FAM180A: variants seen among roughly 807,000 people sequenced by gnomAD.
FAM180A encodes family with sequence similarity 180 member A.
FAM180A carries 14 observed loss-of-function variants against 15.3 expected under a neutral mutation model. The observed-to-expected ratio is 0.92, with a 90% CI of 0.61 to 1.43. The LOEUF is 1.43. Among genes scored for constraint, FAM180A ranks in the 40% most tolerant of loss-of-function variants. The probability of loss-of-function intolerance (pLI) is 0.00; values close to 1 mark genes in which losing one functional copy is unlikely to be tolerated. For synonymous variants in FAM180A, 90 were observed against 96.8 expected (o/e 0.93, Z 0.41); for missense variants, 200 against 220.8 (o/e 0.91, Z 0.60).
chr7:135,736,727 G>A (rs974017078), intron 2 of FAM180A, among the ~76,000 whole-genome samples: 2 of 152,206 alleles, frequency 1.3e-5, no homozygotes, highest in African/African-American at 2.4e-5. Flanking sequence ...TTGGAGACAC[G>A]GCTGCACCCA....
chr7:135,742,755 T>C (rs1359519199), intron 1 of FAM180A, among the ~76,000 whole-genome samples: 1 of 152,262 alleles, frequency 6.6e-6, no homozygotes, highest in East Asian at 1.9e-4. Flanking sequence ...GGAGCTCAGA[T>C]ATAATAATGT....
chr7:135,736,624 G>A (rs1796876545), intron 2 of FAM180A, among the ~76,000 whole-genome samples: 1 of 152,210 alleles, frequency 6.6e-6, no homozygotes, highest in African/African-American at 2.4e-5. Flanking sequence ...GAGAGGTAGT[G>A]AAAGACAGCC....
intron 1 of FAM180A, among the ~76,000 whole-genome samples, chr7:135,740,319 A>T (rs536425291): frequency 6.6e-6 from 1 of 152,320 alleles, no homozygotes; most frequent in South Asian, 2.1e-4. Context: ...AAGTGCTTCT[A>T]ATGACAGCCG....
chr7:135,739,649 T>C (rs1373144334), intron 1 of FAM180A, among the ~76,000 whole-genome samples: 5 of 134,008 alleles, frequency 3.7e-5, no homozygotes, highest in Admixed American at 7.7e-5. Flanking sequence ...AGGATGGAAA[T>C]CATTTTAGAA....
At chr7:135,747,684 G>A (rs780460636) in intron 1 of FAM180A, among the ~76,000 whole-genome samples, 1 of 152,138 alleles carries the variant, frequency 6.6e-6, no homozygotes, top group Admixed American at 6.5e-5. Flanking sequence ...ACTTGAAGGA[G>A]CCTGTTCTTC....
chr7:135,731,029 C>A (rs1195429345), intron 3 of FAM180A, among the ~76,000 whole-genome samples: 1 of 151,114 alleles, frequency 6.6e-6, no homozygotes, highest in African/African-American at 2.4e-5. Flanking sequence ...TTTTTTGTTG[C>A]TGGGTGAATG....
chr7:135,732,463 C>T (rs920872435), intron 3 of FAM180A, among the ~76,000 whole-genome samples: 2 of 152,150 alleles, frequency 1.3e-5, no homozygotes, highest in Admixed American at 6.6e-5. Context: ...GAGCCTGAGG[C>T]GGGTGGATCA....
intron 2 of FAM180A, among the ~76,000 whole-genome samples, chr7:135,735,945 C>T (rs1210699582): frequency 6.6e-6 from 1 of 151,710 alleles, no homozygotes; most frequent in East Asian, 1.9e-4. Context: ...TCAGGTGATC[C>T]ACCTGCCTCG....
intron 3 of FAM180A, among the ~76,000 whole-genome samples, chr7:135,731,733 A>G (rs1796785311): frequency 6.6e-6 from 1 of 152,198 alleles, no homozygotes; most frequent in African/African-American, 2.4e-5. Flanking sequence ...TCAGGATGCA[A>G]AGCTGTGTTT....
At chr7:135,743,509 G>A (rs1231675737) in intron 1 of FAM180A, among the ~76,000 whole-genome samples, 2 of 152,042 alleles carry the variant, frequency 1.3e-5, no homozygotes, top group Non-Finnish European at 2.9e-5. Flanking sequence ...GAGTCACTGC[G>A]CCCAGCCCCT....
At chr7:135,735,765 C>T (rs1040147056) in intron 2 of FAM180A, among the ~76,000 whole-genome samples, 2 of 151,918 alleles carry the variant, frequency 1.3e-5, no homozygotes, top group African/African-American at 2.4e-5. Context: ...TACGGTGGTG[C>T]GATCTGAGAT....
rs1796841226 is a variant in FAM180A at position 135,734,333 on chromosome 7, T to C, written c.178-14A>G. 1 of 1,569,916 alleles carries C rather than the reference T, an allele frequency of 6.4e-7. No individual in the cohort carries two copies. On this transcript the variant is annotated splice_polypyrimidine_tract_variant and intron_variant, in intron 2 of 3. Coordinates refer to ENST00000338588, the MANE Select transcript of FAM180A (RefSeq NM_205855.4). ...GGCCAGCAGGAACTGGTGAGAAATG[T>C]GGATGTGCAAAAATATGAAGTGAGG...
chr7:135,736,777 G>A (rs938054673), intron 2 of FAM180A, among the ~76,000 whole-genome samples: 2 of 152,200 alleles, frequency 1.3e-5, no homozygotes, highest in Admixed American at 1.3e-4. Context: ...CTGCCTCAAG[G>A]CCTTTGCTTG....
chr7:135,730,989 C>G (rs1796772527), intron 3 of FAM180A, among the ~76,000 whole-genome samples: 1 of 151,572 alleles, frequency 6.6e-6, no homozygotes, highest in African/African-American at 2.4e-5. Flanking sequence ...TTGATTGCCA[C>G]AAAAATTCAA....
At chr7:135,732,748 T>C (rs935087413) in intron 3 of FAM180A, among the ~76,000 whole-genome samples, 2 of 150,522 alleles carry the variant, frequency 1.3e-5, no homozygotes, top group East Asian at 3.9e-4. Context: ...CACAAGAATG[T>C]TTGAATGATG....
chr7:135,737,105 G>A lies in FAM180A; in HGVS notation c.171C>T (p.Leu57=). The change falls in exon 2 of 4, where the codon CTC becomes CTT. Residue 57 remains leucine, a synonymous_variant. Coordinates refer to ENST00000338588, the MANE Select transcript of FAM180A (RefSeq NM_205855.4). ...LQTSLEEVEL[L]YEFLLAELEI... The stretch of plus-strand genomic sequence containing the variant: ...CATGTTCCCCTCTGCCTACCTCGTA[G>A]AGCAGCTCCACCTCCTCCAGGGAGG... 6.2e-7 allele frequency: 1 copy of A among 1,611,544 alleles called. No individual in the cohort carries two copies. Among genetic ancestry groups the A allele is most frequent in the African/African-American group, 1.3e-5 (1 of 75,002 alleles).
chr7:135,732,814 C>T (rs1050307272), intron 3 of FAM180A, among the ~76,000 whole-genome samples: 11 of 151,498 alleles, frequency 7.3e-5, no homozygotes, highest in African/African-American at 2.2e-4. Flanking sequence ...AAAAAGATAT[C>T]GAGTCAATAT....
In FAM180A at chr7:135,737,182, C is replaced by G. The variant is rs138173146; in HGVS notation, c.94G>C (p.Ala32Pro). The G allele has an allele frequency of 4.4e-5, 70 of 1,605,392 alleles. No homozygotes were observed. The highest frequency in any genetic ancestry group is 9.3e-6 in the Non-Finnish European group (11 of 1,176,908). ...GATGAGGACCTCTTTGGCCGGTGGG[C>G]GGCAGGGAAGAGCACAGCTGAAAGA... The part of the protein sequence containing the change: ...RWSRAVLFPA[A>P]HRPKRSSSLP... The change falls in exon 2 of 4, where the codon GCC becomes CCC. Residue 32 changes from alanine (A) to proline (P), a missense_variant. By Grantham distance (27) the Ala-to-Pro change is conservative. Coordinates refer to ENST00000338588, the MANE Select transcript of FAM180A (RefSeq NM_205855.4).
At chr7:135,732,479 G>A (rs1796796517) in intron 3 of FAM180A, among the ~76,000 whole-genome samples, 2 of 152,188 alleles carry the variant, frequency 1.3e-5, no homozygotes, top group Non-Finnish European at 2.9e-5. Flanking sequence ...GATCACTTGA[G>A]GCCAGAAGTT....
Sources: gnomAD v4.1 joint callset for allele counts (sites outside exome capture counted in the v4.1 genomes callset) on GRCh38, gnomAD v4.1.1 for gene constraint, MANE v1.5 for transcripts, NCBI Gene and HGNC (gene_info 2026-07-23, HGNC 2026-07-21) for gene names.